The following NLRC5 variants were observed in gnomAD, a reference collection of about 807,000 sequenced individuals.
The protein encoded by NLRC5 is protein NLRC5.
NLRC5 carries 114 observed loss-of-function variants against 206.9 expected under a neutral mutation model. The observed-to-expected ratio is 0.55, with a 90% CI of 0.47 to 0.64. NLRC5 has a LOEUF of 0.64. Among genes scored for constraint, NLRC5 ranks in the 30% least tolerant of loss-of-function variants. NLRC5 has a pLI of 0.00. For missense variants in NLRC5, 2,008 were observed against 2,305.5 expected (o/e 0.87, Z 2.64); for synonymous variants, 952 against 962.8 (o/e 0.99, Z 0.21).
chr16:57,054,909 G>C lies in NLRC5; in HGVS notation c.3596+69G>C, dbSNP rs1481219259. 3.2e-6 allele frequency: 5 copies of C among 1,586,216 alleles called. No homozygotes were observed. In the East Asian group the frequency reaches 6.7e-5, roughly 21 times the overall value. On this transcript the variant is annotated intron_variant, in intron 25 of 48. Coordinates refer to ENST00000688547, the MANE Select transcript of NLRC5 (RefSeq NM_001384950.1). ...GTGCCTGGAGTCTGGTGGGTATGAG[G>C]GGGTAGGATGAAGACAGTAGGACCC...
intron 23 of NLRC5, 112 bp downstream of exon 23, chr16:57,047,740 C>T (rs2064194632): frequency 1.1e-6 from 1 of 904,202 alleles, no homozygotes; most frequent in Non-Finnish European, 1.8e-6. Flanking sequence ...TTCTTCCCAC[C>T]AGCCCTGCCC....
intron 38 of NLRC5, among the ~76,000 whole-genome samples, chr16:57,071,742 T>G (rs1597444199): frequency 1.4e-5 from 1 of 69,226 alleles, no homozygotes; most frequent in Admixed American, 1.9e-4. Context: ...GAGTAAGGGG[T>G]GGGGGTGGTT....
At chr16:57,033,563 G>A in intron 11 of NLRC5, 41 bp from the exon 12 acceptor site, 1 of 1,602,048 alleles carries the variant, frequency 6.2e-7, no homozygotes, top group Non-Finnish European at 8.6e-7. Flanking sequence ...CCAGGCCCTA[G>A]ATGCCTGAGC....
chr16:57,067,219 A>G (rs1227549915), intron 34 of NLRC5, among the ~76,000 whole-genome samples, 168 bp from the exon 35 acceptor site: 13 of 152,198 alleles, frequency 8.5e-5, no homozygotes, highest in African/African-American at 3.1e-4. Context: ...CAGCTGCCCC[A>G]TCTGGACTCC....
At chr16:57,022,231 C>T in intron 3 of NLRC5, 25 bp from the exon 4 acceptor site, 2 of 1,605,178 alleles carry the variant, frequency 1.2e-6, no homozygotes, top group Non-Finnish European at 1.7e-6. Flanking sequence ...CCCCATACCA[C>T]ATTATACTCT....
At chr16:57,011,720 C>CA (rs34446834) in intron 1 of NLRC5, among the ~76,000 whole-genome samples, 364 of 135,860 alleles carry the variant, frequency 2.7e-3, no homozygotes, top group African/African-American at 8.6e-3. Flanking sequence ...GACCCTGTGT[C>CA]AAAAAAAAAA....
intron 1 of NLRC5, among the ~76,000 whole-genome samples, chr16:57,016,381 G>A (rs1489631358): frequency 6.6e-6 from 1 of 152,168 alleles, no homozygotes; most frequent in Non-Finnish European, 1.5e-5. Context: ...CTAAAGTCAT[G>A]GAACTCTGAG....
chr16:57,061,954 G>C, intron 32 of NLRC5: 12 of 1,498,262 alleles, frequency 8.0e-6, no homozygotes, highest in East Asian at 2.7e-5. Context: ...AAGAAAGAAG[G>C]TTTCAGAGGA....
chr16:57,055,104 C>A lies in NLRC5; in HGVS notation c.3659+10C>A. ...AAGGCGTGTGCTGTGGGTAAGCCCC[C>A]TTGAACCATGCCTAGGCAGCTAGTT... On this transcript the variant is annotated intron_variant, in intron 26 of 48. Coordinates refer to ENST00000688547, the MANE Select transcript of NLRC5 (RefSeq NM_001384950.1). The A allele has an allele frequency of 6.2e-7, 1 of 1,614,012 alleles. No individual in the cohort carries two copies. The highest frequency in any genetic ancestry group is 1.1e-5 in the South Asian group (1 of 91,072).
intron 1 of NLRC5, among the ~76,000 whole-genome samples, chr16:57,015,363 A>T (rs181160629): frequency 0.021 from 3,229 of 152,288 alleles, 99 homozygotes; most frequent in African/African-American, 0.067. Context: ...TTGGTGGGGG[A>T]GGTGGGACAC....
intron 43 of NLRC5, among the ~76,000 whole-genome samples, chr16:57,078,501 T>C (rs1160209102): frequency 2.8e-5 from 4 of 140,382 alleles, no homozygotes; most frequent in African/African-American, 1.1e-4. Context: ...AGATGGAGTC[T>C]CTCTCTGTCA....
chr16:57,028,810 T>C (rs965452960), intron 8 of NLRC5, among the ~76,000 whole-genome samples: 8 of 152,312 alleles, frequency 5.3e-5, no homozygotes, highest in Non-Finnish European at 8.8e-5. Context: ...ACATGCCCAC[T>C]CATAGGTGTG....
chr16:57,058,687 C>T (rs760251070), intron 28 of NLRC5, among the ~76,000 whole-genome samples: 4 of 152,210 alleles, frequency 2.6e-5, no homozygotes, highest in African/African-American at 4.8e-5. Flanking sequence ...TTGACCCATG[C>T]GGGGCTAGAG....
chr16:57,035,134 G>A (rs919542771), intron 13 of NLRC5, among the ~76,000 whole-genome samples: 2 of 152,164 alleles, frequency 1.3e-5, no homozygotes, highest in Non-Finnish European at 2.9e-5. Context: ...CCCATCACCC[G>A]CCTGGTTACG....
chr16:57,075,365 A>G (rs2068269412), intron 39 of NLRC5, among the ~76,000 whole-genome samples: 1 of 152,172 alleles, frequency 6.6e-6, no homozygotes, highest in South Asian at 2.1e-4. Context: ...GATTATAGGC[A>G]TGTGCCACCA....
At chr16:57,027,812 A>G (rs2061404983) in intron 6 of NLRC5, among the ~76,000 whole-genome samples, 1 of 152,246 alleles carries the variant, frequency 6.6e-6, no homozygotes, top group Admixed American at 6.5e-5. Context: ...TCCATTGGTG[A>G]GAACATAGTC....
chr16:57,076,207 T>G (rs27902), intron 39 of NLRC5, among the ~76,000 whole-genome samples: 93,752 of 152,080 alleles, frequency 0.62, 29,395 homozygotes, highest in South Asian at 0.71. Flanking sequence ...GAACCACTGC[T>G]CCCAGCCCCA....
At chr16:57,040,607 G>A in intron 16 of NLRC5, 43 bp from the exon 17 acceptor site, 2 of 1,587,920 alleles carry the variant, frequency 1.3e-6, no homozygotes, top group Non-Finnish European at 1.7e-6. Flanking sequence ...GGAGATGGCG[G>A]ACATGGCCTT....
intron 5 of NLRC5, among the ~76,000 whole-genome samples, chr16:57,024,321 A>G (rs1175472980): frequency 6.6e-6 from 1 of 152,172 alleles, no homozygotes; most frequent in Non-Finnish European, 1.5e-5. Context: ...GAGAGAAGAA[A>G]GGGGACTTCT....
Sources: allele counts gnomAD v4.1 joint callset (sites outside exome capture counted in the v4.1 genomes callset), GRCh38; gene constraint gnomAD v4.1.1; transcripts MANE v1.5; gene names NCBI Gene and HGNC (gene_info 2026-07-23, HGNC 2026-07-21).